GPAM: variants seen among roughly 807,000 people sequenced by gnomAD.
The protein encoded by GPAM is glycerol-3-phosphate acyltransferase 1, mitochondrial.
A neutral mutation model predicts 105.0 loss-of-function variants in GPAM; 56 were observed. The ratio of observed to expected loss-of-function variants is 0.53; its 90% CI spans 0.43 to 0.67. The LOEUF (loss-of-function observed/expected upper bound fraction) is 0.67, where lower values mean the gene tolerates loss of function less well. Ranked by LOEUF, GPAM falls within the 30% of genes least tolerant of loss-of-function variation. The pLI, the probability that GPAM is intolerant of heterozygous loss-of-function variation, is 0.00. For synonymous variants in GPAM, 368 were observed against 354.4 expected (o/e 1.04, Z -0.43); for missense variants, 855 against 989.8 (o/e 0.86, Z 1.83).
chr10:112,160,811 C>T lies in GPAM; in HGVS notation c.1552G>A (p.Ala518Thr). 4 of 1,613,732 alleles carry T rather than the reference C, an allele frequency of 2.5e-6. No individual in the cohort carries two copies. The highest frequency in any genetic ancestry group is 1.7e-4 in the Middle Eastern group (1 of 6,060). The change falls in exon 16 of 22, where the codon GCT (alanine) becomes ACT (threonine). Residue 518 changes from alanine to threonine, a missense_variant. Ala to Thr is a moderately conservative substitution (Grantham distance 58, BLOSUM62 0). Coordinates refer to ENST00000348367, the MANE Select transcript of GPAM (RefSeq NM_001244949.2). ...GAGAACCCCAGGTCAAAATCACGAG[C>T]CAGGACTTCCTCTTTCATCACAAAG... ...DFFVMKEEVLARDFDLGFSGN... is the reference protein window; with the variant it reads ...DFFVMKEEVLTRDFDLGFSGN...
chr10:112,154,136 C>T (rs1846972565), intron 21 of GPAM: 1 of 191,280 alleles, frequency 5.2e-6, no homozygotes, highest in South Asian at 1.0e-4. Context: ...TGGTCCTAAT[C>T]CCAAAATCAA....
At position 112,158,367 on chromosome 10, in the gene GPAM, G is replaced by T. The variant is rs1048997866; in HGVS notation, c.1929C>A (p.Cys643Ter). The change falls in exon 18 of 22, where the codon TGC becomes TGA. Residue 643 changes from cysteine to a stop codon, truncating the protein, a stop_gained. Coordinates refer to ENST00000348367, the MANE Select transcript of GPAM (RefSeq NM_001244949.2). LOFTEE classifies it high-confidence loss of function. ...SLPCQTFYQVCHETVGKFIQY... is the reference protein window; with the variant it reads ...SLPCQTFYQV ...GGATAAACTTTCCTACTGTTTCATG[G>T]CAGACTTGGTAAAATGTCTGGCAAG... 6.2e-7 allele frequency: 1 copy of T among 1,602,604 alleles called. No individual in the cohort carries two copies. The highest frequency in any genetic ancestry group is 8.6e-7 in the Non-Finnish European group (1 of 1,169,458).
intron 1 of GPAM, among the ~76,000 whole-genome samples, chr10:112,191,146 A>G (rs1307384864): frequency 6.6e-6 from 1 of 152,232 alleles, no homozygotes; most frequent in Non-Finnish European, 1.5e-5. Flanking sequence ...TAGTTATAAC[A>G]AGACATAGTG....
chr10:112,172,393 T>C, intron 8 of GPAM, 75 bp from the exon 9 acceptor site: 2 of 1,187,872 alleles, frequency 1.7e-6, no homozygotes, highest in Non-Finnish European at 1.3e-6. Flanking sequence ...CATATTTGGC[T>C]AGAGTCACTC....
intron 11 of GPAM, among the ~76,000 whole-genome samples, chr10:112,167,509 C>T (rs938912276): frequency 2.2e-4 from 33 of 152,100 alleles, no homozygotes; most frequent in Non-Finnish European, 4.6e-4. Context: ...TTATGGTATA[C>T]CATACACTGG....
upstream of GPAM, among the ~76,000 whole-genome samples, chr10:112,217,562 C>T (rs118162963): frequency 0.014 from 2,062 of 152,016 alleles, 18 homozygotes; most frequent in Non-Finnish European, 0.021. Context: ...ACAAAGCAAG[C>T]GAGAGAGCTA....
Position 112,177,999 on chromosome 10 carries a change from T to C in GPAM, c.284A>G (p.Asn95Ser). The C allele has an allele frequency of 3.8e-6, 6 of 1,587,414 alleles. No homozygotes were observed. Among genetic ancestry groups the C allele is most frequent in the South Asian group, 2.2e-5 (2 of 90,486 alleles). Residue 95 changes from asparagine to serine, a missense_variant, in exon 5 of 22, where the codon AAT (asparagine) becomes AGT (serine). Physicochemically the swap from Asn to Ser is conservative, Grantham distance 46. Coordinates refer to ENST00000348367, the MANE Select transcript of GPAM (RefSeq NM_001244949.2). ...TTCTTTTTACCTTGTGTGAGTTTCA[T>C]TGATATAAATAACATTCCGCAAACC... ...SLGLRNVIYI[N>S]ETHTRHRGWL...
At chr10:112,225,767 G>A in the GPAM span, among the ~76,000 whole-genome samples, 3 of 152,096 alleles carry the variant, frequency 2.0e-5, no homozygotes. Flanking sequence ...ATAAAACATT[G>A]CAGAGCTCAT....
chr10:112,179,541 G>A (rs1847468860), intron 4 of GPAM, among the ~76,000 whole-genome samples: 1 of 152,146 alleles, frequency 6.6e-6, no homozygotes, highest in African/African-American at 2.4e-5. Context: ...ACATTCTTCA[G>A]CAGATCTGAA....
intron 1 of GPAM, among the ~76,000 whole-genome samples, chr10:112,197,238 G>A (rs529455474): frequency 6.6e-6 from 1 of 152,248 alleles, no homozygotes; most frequent in East Asian, 1.9e-4. Context: ...CAGAGATAAA[G>A]TTTCATTGAC....
the GPAM span, among the ~76,000 whole-genome samples, chr10:112,226,924 C>G: frequency 6.6e-6 from 1 of 151,964 alleles, no homozygotes; most frequent in Non-Finnish European, 1.5e-5. Flanking sequence ...AGACTTCCAC[C>G]CTTTAGCACA....
chr10:112,220,460 A>G, the GPAM span, among the ~76,000 whole-genome samples: 1 of 151,118 alleles, frequency 6.6e-6, no homozygotes, highest in Non-Finnish European at 1.5e-5. Context: ...GTGAGAATAC[A>G]TCTCTGTGTG....
At chr10:112,154,792 G>A in intron 20 of GPAM, 105 bp from the exon 21 acceptor site, 1 of 914,636 alleles carries the variant, frequency 1.1e-6, no homozygotes, top group South Asian at 1.4e-5. Context: ...GAGAATGAGG[G>A]CAAGTCAGCA....
chr10:112,161,848 T>G, intron 14 of GPAM, 111 bp from the exon 15 acceptor site: 1 of 787,772 alleles, frequency 1.3e-6, no homozygotes, highest in Non-Finnish European at 2.2e-6. Flanking sequence ...GAAAGTCTTC[T>G]ATCACATTTC....
intron 14 of GPAM, 87 bp downstream of exon 14, chr10:112,163,614 C>A (rs574203451): frequency 5.4e-6 from 4 of 744,938 alleles, no homozygotes; most frequent in African/African-American, 5.2e-5. Context: ...TGGAAACTAA[C>A]CTCAGCAGAT....
chr10:112,151,897 C>CG lies in GPAM; in HGVS notation c.*1652_*1653insC. ...GATATCTCATTCAACATCAGAGCTA[C>CG]TACAACTGACAATGACTTCATGGTA... On this transcript the variant is annotated 3_prime_UTR_variant, in exon 22 of 22. Transcript: ENST00000348367. 1.0e-6 allele frequency: 1 copy of CG among 979,056 alleles called. No homozygotes were observed. Among genetic ancestry groups the CG allele is most frequent in the Non-Finnish European group, 1.2e-6 (1 of 824,208 alleles). The allele number at this position is 979,056 out of a possible 1,614,324, so 60.6% of individuals were successfully genotyped here. A position where few individuals can be genotyped will look rare whatever the true frequency, so the allele number is the denominator to read the frequency against.
chr10:112,208,889 G>C (rs1463061017), intron 1 of GPAM, among the ~76,000 whole-genome samples: 1 of 152,130 alleles, frequency 6.6e-6, no homozygotes, highest in African/African-American at 2.4e-5. Context: ...ACCCTAGACT[G>C]GAAAAAACAT....
intron 20 of GPAM, 79 bp downstream of exon 20, chr10:112,155,785 A>T: frequency 1.1e-6 from 1 of 893,656 alleles, no homozygotes; most frequent in Non-Finnish European, 1.8e-6. Context: ...GCATTTTTCC[A>T]ATTTTCTACA....
In GPAM at chr10:112,160,115, G is replaced by C. The variant is rs1847096507; in HGVS notation, c.1760-62C>G. ...AAAGTCTCCAAGAAAAACTTCAACT[G>C]GCTTGAATAACCTTAAGAGATTATT... is the stretch of plus-strand genomic sequence containing the variant. On this transcript the variant is annotated intron_variant, in intron 16 of 21. Transcript: ENST00000348367. 2.0e-6 allele frequency: 3 copies of C among 1,485,898 alleles called. No homozygotes were observed. The African/African-American group carries it at 4.1e-5, about 20-fold the overall frequency. The allele number at this position is 1,485,898 out of a possible 1,614,324, so 92.0% of individuals were successfully genotyped here.
Sources: allele counts gnomAD v4.1 joint callset (sites outside exome capture counted in the v4.1 genomes callset), GRCh38; gene constraint gnomAD v4.1.1; transcripts MANE v1.5; gene names NCBI Gene and HGNC (gene_info 2026-07-23, HGNC 2026-07-21).